Variants in DOCK1 observed in about 807,000 individuals in gnomAD.
DOCK1 encodes the protein dedicator of cytokinesis 1.
DOCK1 carries 138 observed loss-of-function variants against 262.7 expected under a neutral mutation model. The ratio of observed to expected loss-of-function variants is 0.53; its 90% confidence interval spans 0.46 to 0.61. The LOEUF is 0.61. Ranked by LOEUF, DOCK1 falls within the 20% of genes least tolerant of loss-of-function variation. The probability of loss-of-function intolerance (pLI) is 0.00; values close to 1 mark genes in which losing one functional copy is unlikely to be tolerated. For synonymous variants in DOCK1, 866 were observed against 867.4 expected (o/e 1.00, Z 0.03); for missense variants, 1,908 against 2,370.7 (o/e 0.80, Z 4.05).
At chr10:127,094,168 T>G (rs925377504) in intron 23 of DOCK1, among the ~76,000 whole-genome samples, 3 of 152,194 alleles carry the variant, frequency 2.0e-5, no homozygotes, top group Non-Finnish European at 4.4e-5. Flanking sequence ...CACTCCAGCC[T>G]GGGCGACGGA....
chr10:127,270,484 G>T (rs563281305), intron 29 of DOCK1, among the ~76,000 whole-genome samples: 2 of 152,252 alleles, frequency 1.3e-5, no homozygotes, highest in South Asian at 4.1e-4. Context: ...GCTGATGCCA[G>T]CCTGTGCCAC....
At chr10:127,183,619 C>T (rs1423938234) in intron 27 of DOCK1, among the ~76,000 whole-genome samples, 2 of 152,176 alleles carry the variant, frequency 1.3e-5, no homozygotes, top group Non-Finnish European at 2.9e-5. Flanking sequence ...GTAATCTTCT[C>T]GGCCCTCATA....
At chr10:127,062,131 G>A (rs1281511066) in intron 23 of DOCK1, among the ~76,000 whole-genome samples, 1 of 151,704 alleles carries the variant, frequency 6.6e-6, no homozygotes, top group African/African-American at 2.4e-5. Context: ...TAGAGATGGG[G>A]TTTCACCATA....
intron 38 of DOCK1, among the ~76,000 whole-genome samples, chr10:127,392,337 C>G (rs1264600178): frequency 6.6e-6 from 1 of 152,152 alleles, no homozygotes; most frequent in Non-Finnish European, 1.5e-5. Context: ...TCCCCAGGGC[C>G]TGTGCTGACT....
At position 127,158,114 on chromosome 10, in the gene DOCK1, G is replaced by A. The variant is rs577100543; in HGVS notation, c.2847+30350G>A. Among the ~76,000 whole-genome samples the A allele has an allele frequency of 1.1e-4, 17 of 152,344 alleles. No homozygotes were observed. The South Asian group carries it at 3.5e-3, about 32-fold the overall frequency. ...CATTAATAATTGGGCTGCAGCATCT[G>A]AATATGTTCTCCAAATAGAGATGAA... On this transcript the variant is annotated intron_variant, in intron 27 of 51. Coordinates refer to ENST00000623213, the MANE Select transcript of DOCK1 (RefSeq NM_001290223.2).
chr10:127,177,228 G>GGTT (rs2133919902), intron 27 of DOCK1: 1 of 152,234 alleles, frequency 6.6e-6, no homozygotes, highest in South Asian at 2.1e-4. Flanking sequence ...CAATGGTGGT[G>GGTT]GTTTCAGTAC....
At chr10:127,081,886 C>T (rs370778349) in intron 23 of DOCK1, among the ~76,000 whole-genome samples, 78 of 152,256 alleles carry the variant, frequency 5.1e-4, no homozygotes, top group African/African-American at 1.8e-3. Context: ...TCGTCACCAC[C>T]GTAATCAAGA....
At chr10:127,225,315 A>G (rs1332470322) in intron 27 of DOCK1, among the ~76,000 whole-genome samples, 1 of 152,248 alleles carries the variant, frequency 6.6e-6, no homozygotes, top group Non-Finnish European at 1.5e-5. Flanking sequence ...TACCCCATCA[A>G]TGCCAAGGGC....
At chr10:127,235,277 T>A (rs2059006840) in intron 27 of DOCK1, among the ~76,000 whole-genome samples, 1 of 152,070 alleles carries the variant, frequency 6.6e-6, no homozygotes, top group South Asian at 2.1e-4. Flanking sequence ...ATTTAGAATA[T>A]TTCCATTTCC....
chr10:127,351,163 A>G (rs539354375), intron 31 of DOCK1, among the ~76,000 whole-genome samples: 55 of 152,326 alleles, frequency 3.6e-4, no homozygotes, highest in African/African-American at 1.3e-3. Flanking sequence ...TGTCCGGGTT[A>G]CAGCCTGGAT....
chr10:127,057,206 T>A (rs903728068), intron 22 of DOCK1, among the ~76,000 whole-genome samples: 2 of 152,240 alleles, frequency 1.3e-5, no homozygotes, highest in African/African-American at 4.8e-5. Context: ...GACTCTCATC[T>A]TCTTACCTGC....
intron 31 of DOCK1, chr10:127,344,438 G>C (rs1010539458): frequency 3.9e-5 from 6 of 152,174 alleles, no homozygotes; most frequent in Admixed American, 3.3e-4. Flanking sequence ...TCTCACTGCT[G>C]TCGGTGTTCC....
intron 10 of DOCK1, chr10:127,000,775 TCCG>T: frequency 6.1e-6 from 1 of 162,992 alleles, no homozygotes; most frequent in Non-Finnish European, 1.3e-5. Context: ...GTGTTCTTCC[TCCG>T]CCATGTTGGT....
chr10:127,125,821 C>T (rs192151521), intron 26 of DOCK1, among the ~76,000 whole-genome samples: 12 of 152,016 alleles, frequency 7.9e-5, no homozygotes, highest in Admixed American at 1.3e-4. Context: ...TCTTTATTTC[C>T]TGTGTCTTCT....
chr10:126,988,781 T>C (rs1054961829), intron 5 of DOCK1, among the ~76,000 whole-genome samples: 1 of 152,174 alleles, frequency 6.6e-6, no homozygotes, highest in Admixed American at 6.6e-5. Flanking sequence ...GGCTATAATA[T>C]TTTTATATGG....
intron 15 of DOCK1, among the ~76,000 whole-genome samples, chr10:127,025,763 G>A (rs1271113699): frequency 6.6e-6 from 1 of 151,864 alleles, no homozygotes; most frequent in Non-Finnish European, 1.5e-5. Flanking sequence ...AAACAGCAAC[G>A]TTTAAAAGTA....
At chr10:127,233,456 A>G (rs2058930127) in intron 27 of DOCK1, among the ~76,000 whole-genome samples, 1 of 152,202 alleles carries the variant, frequency 6.6e-6, no homozygotes, top group African/African-American at 2.4e-5. Flanking sequence ...GCAGACATTC[A>G]AGAGATTTTT....
rs1392270112 is a variant in DOCK1, at chr10:127,176,304, G to A, written c.2847+48540G>A. The A allele has an allele frequency of 3.7e-6, 6 of 1,613,966 alleles. No individual in the cohort carries two copies. The Admixed American group carries it at 6.7e-5, about 18-fold the overall frequency. Reference sequence around the variant, plus strand: ...TTTAATCTGCCGGTTGGGGTCCAGGGCGTATTTCATCTCCAGGGCCAGGCA... The same window carrying A: ...TTTAATCTGCCGGTTGGGGTCCAGGACGTATTTCATCTCCAGGGCCAGGCA... On this transcript the variant is annotated intron_variant, in intron 27 of 51. Transcript: ENST00000623213. The surrounding 1 kb of genome is among the most constrained non-coding windows in gnomAD (Gnocchi z 4.4).
chr10:127,119,161 A>C (rs2049381634), intron 25 of DOCK1, among the ~76,000 whole-genome samples: 1 of 151,744 alleles, frequency 6.6e-6, no homozygotes, highest in African/African-American at 2.4e-5. Context: ...CTTCTGCCTC[A>C]GCCTCCTGAG....
Sources: allele counts gnomAD v4.1 joint callset (sites outside exome capture counted in the v4.1 genomes callset), GRCh38; gene constraint gnomAD v4.1.1; non-coding constraint Gnocchi (gnomAD v3.1); transcripts MANE v1.5; gene names NCBI Gene and HGNC (gene_info 2026-07-23, HGNC 2026-07-21).